Variants in FRMD4A observed in about 807,000 individuals in gnomAD.
FRMD4A encodes FERM domain-containing protein 4A.
A neutral mutation model predicts 129.1 loss-of-function variants in FRMD4A; 29 were observed. The observed-to-expected ratio is 0.22, with a 90% CI of 0.17 to 0.31. FRMD4A has a LOEUF of 0.31. FRMD4A is among the 10% of genes least tolerant of loss of function. FRMD4A has a pLI of 1.00. For synonymous variants in FRMD4A, 634 were observed against 571.6 expected (o/e 1.11, Z -1.56); for missense variants, 1,272 against 1,375.8 (o/e 0.92, Z 1.19).
At chr10:13,934,242 G>A (rs531253542) in intron 2 of FRMD4A, among the ~76,000 whole-genome samples, 15 of 152,324 alleles carry the variant, frequency 9.8e-5, no homozygotes, top group Admixed American at 4.6e-4. Context: ...TCACTCAAAT[G>A]ATGCCTAGAA....
At chr10:13,912,199 T>C (rs1013271062) in intron 2 of FRMD4A, among the ~76,000 whole-genome samples, 9 of 152,190 alleles carry the variant, frequency 5.9e-5, no homozygotes, top group African/African-American at 2.2e-4. Context: ...AGATAAACAA[T>C]GAGACTAAAA....
At chr10:14,060,048 A>G (rs1253161124) in intron 2 of FRMD4A, among the ~76,000 whole-genome samples, 1 of 152,176 alleles carries the variant, frequency 6.6e-6, no homozygotes, top group Admixed American at 6.5e-5. Flanking sequence ...CACAGTCTAT[A>G]CCTTTAACTA....
At chr10:14,284,056 A>G (rs900060679) in intron 2 of FRMD4A, among the ~76,000 whole-genome samples, 1 of 152,180 alleles carries the variant, frequency 6.6e-6, no homozygotes, top group African/African-American at 2.4e-5. Context: ...CAACTATCCT[A>G]TTTTACTTCT....
At chr10:13,918,942 T>G (rs1226842015) in intron 2 of FRMD4A, among the ~76,000 whole-genome samples, 24 of 152,092 alleles carry the variant, frequency 1.6e-4, no homozygotes. Context: ...TATGCCCAAA[T>G]GATTCTATCT....
At chr10:14,069,288 A>T (rs1470675427) in intron 2 of FRMD4A, among the ~76,000 whole-genome samples, 1 of 152,240 alleles carries the variant, frequency 6.6e-6, no homozygotes, top group African/African-American at 2.4e-5. Context: ...AAAAAATGAC[A>T]GTAGCCATGG....
chr10:14,047,352 A>G (rs536581909), intron 2 of FRMD4A, among the ~76,000 whole-genome samples: 2 of 152,290 alleles, frequency 1.3e-5, no homozygotes, highest in Admixed American at 1.3e-4. Flanking sequence ...CCAAACAGTA[A>G]CACGGTTGCT....
chr10:13,955,682 A>C (rs2131345719), intron 2 of FRMD4A, among the ~76,000 whole-genome samples: 1 of 152,308 alleles, frequency 6.6e-6, no homozygotes, highest in South Asian at 2.1e-4. Context: ...TGGCAAGCTT[A>C]TTTGCCAACG....
chr10:13,921,816 T>A (rs1417558274), intron 2 of FRMD4A, among the ~76,000 whole-genome samples: 1 of 152,200 alleles, frequency 6.6e-6, no homozygotes, highest in Non-Finnish European at 1.5e-5. Flanking sequence ...TTTTACATTG[T>A]TTCTTGTGGC....
intron 2 of FRMD4A, among the ~76,000 whole-genome samples, chr10:14,248,333 C>T (rs1019322692): frequency 6.6e-6 from 1 of 152,166 alleles, no homozygotes; most frequent in East Asian, 1.9e-4. Context: ...AAATTTAATT[C>T]CGTTGCACAT....
At chr10:13,714,610 C>T (rs749137068) in intron 12 of FRMD4A, among the ~76,000 whole-genome samples, 1 of 152,054 alleles carries the variant, frequency 6.6e-6, no homozygotes, top group Non-Finnish European at 1.5e-5. Context: ...ATATTTGTAG[C>T]GAGCTTACAA....
rs761593216 is a variant in FRMD4A at position 13,684,314 on chromosome 10, T to C, written c.1118-9270A>G. The C allele has an allele frequency of 9.4e-5, 93 of 984,802 alleles. No individual in the cohort carries two copies. The African/African-American group carries it at 1.4e-3, about 15-fold the overall frequency. The allele number at this position is 984,802 out of a possible 1,614,324, so 61.0% of individuals were successfully genotyped here. ...ATCCAAGCAGAGAGAGAGATGGAGT[T>C]ACTCACGCCAAGTCAGAAAGTCATT... On this transcript the variant is annotated intron_variant, in intron 15 of 24. Coordinates refer to ENST00000357447, the MANE Select transcript of FRMD4A (RefSeq NM_018027.5).
intron 12 of FRMD4A, among the ~76,000 whole-genome samples, chr10:13,728,157 T>G (rs1000768113): frequency 6.6e-6 from 1 of 152,146 alleles, no homozygotes; most frequent in Non-Finnish European, 1.5e-5. Context: ...CTTTCAAAAG[T>G]GTTGTCTGTA....
At chr10:13,660,658 A>T (rs765040192) in intron 19 of FRMD4A, 105 bp from the exon 20 acceptor site, 19 of 703,670 alleles carry the variant, frequency 2.7e-5, no homozygotes, top group Non-Finnish European at 4.7e-5. Flanking sequence ...CACACAGCCA[A>T]ACCCACACCT....
At chr10:13,705,226 C>G (rs2087299692) in intron 13 of FRMD4A, among the ~76,000 whole-genome samples, 1 of 149,630 alleles carries the variant, frequency 6.7e-6, no homozygotes, top group Non-Finnish European at 1.5e-5. Context: ...TCACTGCTGT[C>G]TAATAGGCGA....
intron 11 of FRMD4A, among the ~76,000 whole-genome samples, chr10:13,739,502 T>A (rs538366452): frequency 6.6e-6 from 1 of 152,354 alleles, no homozygotes; most frequent in South Asian, 2.1e-4. Context: ...CCATTGCTTA[T>A]GCTTTGAGGT....
At chr10:14,014,791 G>A (rs183386187) in intron 2 of FRMD4A, among the ~76,000 whole-genome samples, 9 of 152,208 alleles carry the variant, frequency 5.9e-5, no homozygotes, top group Admixed American at 6.5e-5. Context: ...CTCTGACACA[G>A]TGCGCTGTTT....
At chr10:14,270,013 C>T (rs910262997) in intron 2 of FRMD4A, among the ~76,000 whole-genome samples, 4 of 152,138 alleles carry the variant, frequency 2.6e-5, no homozygotes, top group Admixed American at 6.6e-5. Context: ...CCTGGAGCTG[C>T]GGCACCCATC....
chr10:14,195,553 T>C (rs2131930424), intron 2 of FRMD4A, among the ~76,000 whole-genome samples: 1 of 152,330 alleles, frequency 6.6e-6, no homozygotes, highest in East Asian at 1.9e-4. Flanking sequence ...CATTCTCTCC[T>C]CGGATAACAA....
intron 2 of FRMD4A, among the ~76,000 whole-genome samples, chr10:14,227,539 A>G (rs1843486569): frequency 6.6e-6 from 1 of 152,082 alleles, no homozygotes; most frequent in Non-Finnish European, 1.5e-5. Flanking sequence ...GATGTGAGCC[A>G]GGGTGCCCAG....
Sources: gnomAD v4.1 joint callset for allele counts (sites outside exome capture counted in the v4.1 genomes callset) on GRCh38, gnomAD v4.1.1 for gene constraint, MANE v1.5 for transcripts, NCBI Gene and HGNC (gene_info 2026-07-23, HGNC 2026-07-21) for gene names.